The following FAM184B variants were observed in gnomAD, a reference collection of about 807,000 sequenced individuals.
FAM184B encodes protein FAM184B.
FAM184B carries 111 observed loss-of-function variants against 135.9 expected under a neutral mutation model. The observed-to-expected ratio is 0.82, with a 90% CI of 0.70 to 0.96. The LOEUF (loss-of-function observed/expected upper bound fraction) is 0.96. Ranked by LOEUF, FAM184B falls within the 40% of genes least tolerant of loss-of-function variation. The pLI, the probability that FAM184B is intolerant of heterozygous loss-of-function variation, is 0.00. For synonymous variants in FAM184B, 552 were observed against 524.8 expected, an observed-to-expected ratio of 1.05 and a Z score of -0.71; for missense variants, 1,375 against 1,323.9, an observed-to-expected ratio of 1.04 and a Z score of -0.60.
rs150278747 is a variant in FAM184B at position 17,710,692 on chromosome 4, T to A, written c.142-1048A>T. Among the ~76,000 whole-genome samples the A allele has an allele frequency of 1.7e-3, 254 of 152,262 alleles. 1 individual carries two copies. Among genetic ancestry groups the A allele is most frequent in the African/African-American group, 5.7e-3 (238 of 41,544 alleles). On this transcript the variant is annotated intron_variant, in intron 1 of 17. Transcript: ENST00000265018. ...ACACAAAAGAAAAAAAAATGCTTTC[T>A]TTGCTGTGTGAAGAACTGAATGAAG...
intron 1 of FAM184B, among the ~76,000 whole-genome samples, chr4:17,721,443 A>C (rs1717528351): frequency 6.9e-6 from 1 of 145,936 alleles, no homozygotes; most frequent in South Asian, 2.3e-4. Flanking sequence ...CCGAGTGCAG[A>C]GGATACCCAA....
chr4:17,694,205 T>G (rs1577263831), intron 5 of FAM184B, among the ~76,000 whole-genome samples: 1 of 152,218 alleles, frequency 6.6e-6, no homozygotes, highest in Non-Finnish European at 1.5e-5. Context: ...AGTAAAGGAT[T>G]GGTAGATGAC....
chr4:17,721,526 A>G (rs994068380), intron 1 of FAM184B, among the ~76,000 whole-genome samples: 1 of 152,140 alleles, frequency 6.6e-6, no homozygotes, highest in Non-Finnish European at 1.5e-5. Context: ...TAAGGGAAGT[A>G]CCATGAGCAG....
intron 1 of FAM184B, among the ~76,000 whole-genome samples, chr4:17,771,115 G>C (rs1012428842): frequency 1.3e-5 from 2 of 152,074 alleles, no homozygotes; most frequent in Non-Finnish European, 2.9e-5. Context: ...ATTTCTCTTG[G>C]GTATATACCT....
chr4:17,653,034 G>A (rs1045724338), intron 10 of FAM184B, 51 bp from the exon 11 acceptor site: 2 of 1,523,034 alleles, frequency 1.3e-6, no homozygotes, highest in African/African-American at 1.4e-5. Flanking sequence ...ATGAGGGTGG[G>A]AGACCTGACT....
rs1714932843 is a variant in FAM184B at position 17,631,293 on chromosome 4, C to G, written c.*1239G>C. ...TCTCGAACTCTTGGGCTCATGCTGT[C>G]CTACCTCAGACTTCCAAGTAGCTGG... On this transcript the variant is annotated 3_prime_UTR_variant, in exon 18 of 18. Coordinates refer to ENST00000265018, the MANE Select transcript of FAM184B (RefSeq NM_015688.2). The G allele has an allele frequency of 6.6e-6, 1 of 152,104 alleles. No homozygotes were observed. Among genetic ancestry groups the G allele is most frequent in the East Asian group, 1.9e-4 (1 of 5,190 alleles). The allele number at this position is 152,104 out of a possible 1,614,324, so 9.4% of individuals were successfully genotyped here.
chr4:17,659,128 C>T (rs1279946312), intron 9 of FAM184B, among the ~76,000 whole-genome samples: 4 of 145,760 alleles, frequency 2.7e-5, no homozygotes, highest in African/African-American at 5.1e-5. Flanking sequence ...TTTTTTGAGA[C>T]AGGGTCTTGC....
intron 7 of FAM184B, among the ~76,000 whole-genome samples, chr4:17,671,702 C>A (rs755711322): frequency 6.6e-6 from 1 of 151,664 alleles, no homozygotes; most frequent in Non-Finnish European, 1.5e-5. Context: ...ATTTACCTGA[C>A]GGAGAATAAA....
intron 1 of FAM184B, among the ~76,000 whole-genome samples, chr4:17,757,102 AT>A (rs1274233950): frequency 1.3e-5 from 2 of 152,196 alleles, no homozygotes; most frequent in Non-Finnish European, 2.9e-5. Context: ...TGCCAAAAAC[AT>A]TGAACCTGAA....
intron 1 of FAM184B, 149 bp from the exon 2 acceptor site, chr4:17,709,793 C>G: frequency 1.3e-6 from 1 of 772,378 alleles, no homozygotes. Context: ...TTATTAGAAA[C>G]TGTTCCCAGA....
At chr4:17,731,017 C>T (rs370651587) in intron 1 of FAM184B, among the ~76,000 whole-genome samples, 67 of 152,064 alleles carry the variant, frequency 4.4e-4, no homozygotes, top group East Asian at 2.1e-3. Context: ...TGAAATGAAG[C>T]GCGAAGGGAA....
At position 17,634,927 on chromosome 4, in the gene FAM184B, C is replaced by G. The variant is rs569967878; in HGVS notation, c.2889+82G>C. On this transcript the variant is annotated intron_variant, in intron 16 of 17. Coordinates refer to ENST00000265018, the MANE Select transcript of FAM184B (RefSeq NM_015688.2). ...ATATTTTTCTGAGCGTACACCAGCCCTTAAATAACCTGTGGTTACCTTTAA... is the reference window on the plus strand; with the variant it reads ...ATATTTTTCTGAGCGTACACCAGCCGTTAAATAACCTGTGGTTACCTTTAA... 4 of 942,632 alleles carry G rather than the reference C, an allele frequency of 4.2e-6. No homozygotes were observed. In the South Asian group the frequency reaches 7.2e-5, roughly 17 times the overall value. The allele number at this position is 942,632 out of a possible 1,614,324, so 58.4% of individuals were successfully genotyped here.
At chr4:17,708,691 A>G (rs1380202479) in intron 2 of FAM184B, among the ~76,000 whole-genome samples, 22 of 49,814 alleles carry the variant, frequency 4.4e-4, no homozygotes, top group African/African-American at 1.8e-3. Context: ...ATATATATAT[A>G]TATATATATA....
intron 1 of FAM184B, among the ~76,000 whole-genome samples, chr4:17,776,085 CACCTTGG>C (rs1251884033): frequency 6.6e-6 from 1 of 152,098 alleles, no homozygotes; most frequent in Non-Finnish European, 1.5e-5. Flanking sequence ...TTTTAATGGG[CACCTTGG>C]GCCTTGGGTC....
At chr4:17,702,756 G>T (rs1717016809) in intron 5 of FAM184B, among the ~76,000 whole-genome samples, 1 of 152,238 alleles carries the variant, frequency 6.6e-6, no homozygotes, top group African/African-American at 2.4e-5. Context: ...GCTGAAGTGA[G>T]ATTTACACAT....
rs183518763 is a variant in FAM184B, at chr4:17,664,051, A to G, written c.1694+511T>C. On this transcript the variant is annotated intron_variant, in intron 8 of 17. Transcript: ENST00000265018. Reference sequence around the variant, plus strand: ...TTTATAAATTACCCAGTCTTGGGGGATTCTTTATAGCGGTGTGGAAACGAC... The same window carrying G: ...TTTATAAATTACCCAGTCTTGGGGGGTTCTTTATAGCGGTGTGGAAACGAC... Among the ~76,000 whole-genome samples, 59 of 152,094 alleles carry G rather than the reference A, an allele frequency of 3.9e-4. No homozygotes were observed. In the East Asian group the frequency reaches 8.2e-3, roughly 21 times the overall value.
intron 1 of FAM184B, among the ~76,000 whole-genome samples, chr4:17,714,361 C>T (rs982387866): frequency 5.9e-5 from 9 of 152,220 alleles, no homozygotes; most frequent in Non-Finnish European, 8.8e-5. Flanking sequence ...GGCTTATGTC[C>T]TTTCCACAGT....
chr4:17,706,166 G>A (rs1360666189), intron 3 of FAM184B, among the ~76,000 whole-genome samples: 1 of 152,182 alleles, frequency 6.6e-6, no homozygotes, highest in Non-Finnish European at 1.5e-5. Context: ...GGTTAAAAAA[G>A]TTGAGCATGT....
At position 17,664,674 on chromosome 4, in the gene FAM184B, G is replaced by T. The variant is rs775669677; in HGVS notation, c.1597-15C>A. On this transcript the variant is annotated splice_polypyrimidine_tract_variant and intron_variant, in intron 7 of 17. Coordinates refer to ENST00000265018, the MANE Select transcript of FAM184B (RefSeq NM_015688.2). ...AAGCATGGATCCTAAGGCCAAAAAAGAAAAAGAAAAAAAAAAAAAAGGCAA... is the reference window on the plus strand; with the variant it reads ...AAGCATGGATCCTAAGGCCAAAAAATAAAAAGAAAAAAAAAAAAAAGGCAA... 7.5e-4 allele frequency: 814 copies of T among 1,085,424 alleles called. No homozygotes were observed. The highest frequency in any genetic ancestry group is 8.7e-4 in the Non-Finnish European group (721 of 828,628). 67.2% of individuals were successfully genotyped at this position (1,085,424 alleles called of 1,614,324 possible).
Sources: gnomAD v4.1 joint callset for allele counts (sites outside exome capture counted in the v4.1 genomes callset) on GRCh38, gnomAD v4.1.1 for gene constraint, MANE v1.5 for transcripts, NCBI Gene and HGNC (gene_info 2026-07-23, HGNC 2026-07-21) for gene names.